Variants in LDB2 observed in about 807,000 individuals in gnomAD.
LDB2 encodes the protein LIM domain-binding protein 2.
Under a neutral mutation model 44.3 loss-of-function variants are expected in LDB2, and 12 were observed. That is an observed-to-expected ratio of 0.27 (90% CI 0.17 to 0.44). The LOEUF is 0.44. Among genes scored for constraint, LDB2 ranks in the 20% least tolerant of loss-of-function variants. LDB2 has a pLI of 1.00. For missense variants in LDB2, 344 were observed against 473.5 expected, an observed-to-expected ratio of 0.73 and a Z score of 2.54; for synonymous variants, 164 against 174.8, an observed-to-expected ratio of 0.94 and a Z score of 0.49.
chr4:16,808,402 C>A (rs1291689849), intron 1 of LDB2, among the ~76,000 whole-genome samples: 1 of 152,140 alleles, frequency 6.6e-6, no homozygotes, highest in Non-Finnish European at 1.5e-5. Flanking sequence ...GAGCTTCAGG[C>A]AGATTTTAGT....
chr4:16,752,351 C>T (rs890791764), intron 2 of LDB2: 8 of 420,158 alleles, frequency 1.9e-5, no homozygotes, highest in Non-Finnish European at 3.8e-5. Flanking sequence ...AAATCTCACC[C>T]TCTGTTGGAC....
intron 1 of LDB2, among the ~76,000 whole-genome samples, chr4:16,778,497 A>C (rs1468553097): frequency 2.6e-5 from 4 of 152,118 alleles, no homozygotes; most frequent in Non-Finnish European, 5.9e-5. Context: ...CGCTTATCAC[A>C]ACCACCATCA....
intron 1 of LDB2, among the ~76,000 whole-genome samples, chr4:16,824,964 A>G (rs942361136): frequency 2.0e-5 from 3 of 152,242 alleles, no homozygotes; most frequent in African/African-American, 7.2e-5. Context: ...AATGGTACCT[A>G]AATAGTACCT....
rs201421415 is a variant in LDB2 at position 16,834,908 on chromosome 4, AG to A, written c.132+63445del. Among the ~76,000 whole-genome samples the A allele has an allele frequency of 6.1e-3, 929 of 152,222 alleles. 13 individuals carry two copies. The highest frequency in any genetic ancestry group is 0.021 in the African/African-American group (870 of 41,544). On this transcript the variant is annotated intron_variant, in intron 1 of 7. Coordinates refer to ENST00000304523, the MANE Select transcript of LDB2 (RefSeq NM_001290.5). ...TTGTACTCCCAGCATCCATTTACAT[AG>A]TAATTGGCACATGGAATTATTGGTT...
At chr4:16,560,683 T>C (rs541107985) in intron 5 of LDB2, among the ~76,000 whole-genome samples, 146 of 152,088 alleles carry the variant, frequency 9.6e-4, no homozygotes, top group African/African-American at 3.4e-3. Flanking sequence ...TTCCAATCAA[T>C]AGAAAAAGAG....
intron 2 of LDB2, among the ~76,000 whole-genome samples, chr4:16,744,829 T>C (rs1187870588): frequency 1.3e-5 from 2 of 152,210 alleles, no homozygotes; most frequent in African/African-American, 4.8e-5. Context: ...CCTGACTTTA[T>C]TACCAGCTAG....
At chr4:16,712,280 T>C (rs1432221210) in intron 2 of LDB2, among the ~76,000 whole-genome samples, 1 of 152,152 alleles carries the variant, frequency 6.6e-6, no homozygotes. Context: ...AAGAAAGCTA[T>C]ACAAGGCTCA....
chr4:16,523,123 G>A (rs1439349026), intron 5 of LDB2, among the ~76,000 whole-genome samples: 5 of 152,148 alleles, frequency 3.3e-5, no homozygotes, highest in South Asian at 2.1e-4. Context: ...GTATATGTAC[G>A]TATGCATGTA....
At chr4:16,879,749 T>A (rs1200418183) in intron 1 of LDB2, among the ~76,000 whole-genome samples, 1 of 152,182 alleles carries the variant, frequency 6.6e-6, no homozygotes, top group African/African-American at 2.4e-5. Flanking sequence ...AATGAATCTC[T>A]TCCTGGATAT....
chr4:16,607,665 T>G (rs1268230303), intron 2 of LDB2, among the ~76,000 whole-genome samples: 1 of 152,252 alleles, frequency 6.6e-6, no homozygotes, highest in Non-Finnish European at 1.5e-5. Flanking sequence ...ATACCCTGTT[T>G]ATGCACAGAT....
intron 5 of LDB2, among the ~76,000 whole-genome samples, chr4:16,515,811 T>G (rs1723407256): frequency 2.6e-5 from 4 of 152,004 alleles, no homozygotes; most frequent in Admixed American, 2.6e-4. Flanking sequence ...ATTTACAAGC[T>G]AAGAAGTCTA....
intron 1 of LDB2, among the ~76,000 whole-genome samples, chr4:16,821,451 T>G (rs1283711488): frequency 1.3e-5 from 2 of 150,468 alleles, no homozygotes; most frequent in Non-Finnish European, 3.0e-5. Flanking sequence ...TGGCGCCATC[T>G]CGGCTCACTG....
intron 2 of LDB2, among the ~76,000 whole-genome samples, chr4:16,729,265 T>C (rs11942663): frequency 0.083 from 12,673 of 152,214 alleles, 826 homozygotes; most frequent in East Asian, 0.4. Flanking sequence ...ATGACGCTTG[T>C]CATTTTAAAA....
intron 1 of LDB2, among the ~76,000 whole-genome samples, chr4:16,797,508 T>C (rs1776962125): frequency 6.6e-6 from 1 of 152,176 alleles, no homozygotes; most frequent in Non-Finnish European, 1.5e-5. Flanking sequence ...ATGATGTCTT[T>C]ACTATCTGAC....
intron 6 of LDB2, among the ~76,000 whole-genome samples, chr4:16,509,794 A>G (rs1720981282): frequency 6.6e-6 from 1 of 152,172 alleles, no homozygotes; most frequent in Non-Finnish European, 1.5e-5. Flanking sequence ...CTGGAACCAA[A>G]TAAGAGGGCC....
chr4:16,845,471 G>T (rs1786792395), intron 1 of LDB2, among the ~76,000 whole-genome samples: 1 of 152,098 alleles, frequency 6.6e-6, no homozygotes, highest in South Asian at 2.1e-4. Flanking sequence ...CCTACGGCAG[G>T]CACAAAGACC....
chr4:16,875,215 C>T (rs1718000569), intron 1 of LDB2, among the ~76,000 whole-genome samples: 1 of 152,028 alleles, frequency 6.6e-6, no homozygotes, highest in African/African-American at 2.4e-5. Flanking sequence ...TCAATTAAGA[C>T]TATACAAGGA....
intron 2 of LDB2, among the ~76,000 whole-genome samples, chr4:16,696,653 ATATT>A (rs1450648823): frequency 6.6e-6 from 1 of 152,140 alleles, no homozygotes; most frequent in African/African-American, 2.4e-5. Context: ...AGCAGAAGAT[ATATT>A]TATTACCGGT....
intron 1 of LDB2, among the ~76,000 whole-genome samples, chr4:16,766,577 C>A (rs1401046734): frequency 6.7e-6 from 1 of 150,236 alleles, no homozygotes. Context: ...GCAATCTTGG[C>A]TCACTGCAAC....
Sources: allele counts gnomAD v4.1 joint callset (sites outside exome capture counted in the v4.1 genomes callset), GRCh38; gene constraint gnomAD v4.1.1; transcripts MANE v1.5; gene names NCBI Gene and HGNC (gene_info 2026-07-23, HGNC 2026-07-21).